The following IRAK3 variants were observed in gnomAD, a reference collection of about 807,000 sequenced individuals.
IRAK3 encodes the protein interleukin-1 receptor-associated kinase 3.
A neutral mutation model predicts 56.6 loss-of-function variants in IRAK3; 57 were observed. The observed-to-expected ratio is 1.01, with a 90% CI of 0.81 to 1.26. The LOEUF is 1.26. Among genes scored for constraint, IRAK3 ranks in the 50% most tolerant of loss-of-function variants. IRAK3 has a pLI of 0.00. For missense variants in IRAK3, 703 were observed against 719.0 expected, an observed-to-expected ratio of 0.98 and a Z score of 0.25; for synonymous variants, 258 against 255.7, an observed-to-expected ratio of 1.01 and a Z score of -0.09.
chr12:66,220,581 C>T (rs1365987358), intron 6 of IRAK3, among the ~76,000 whole-genome samples: 12 of 117,188 alleles, frequency 1.0e-4, no homozygotes, highest in African/African-American at 3.3e-4. Flanking sequence ...AGTGCAGTGG[C>T]GGGATCTCGG....
intron 4 of IRAK3, among the ~76,000 whole-genome samples, chr12:66,210,636 T>TA (rs2052602416): frequency 2.6e-5 from 4 of 152,316 alleles, no homozygotes; most frequent in African/African-American, 9.6e-5. Flanking sequence ...TTTCCTACTT[T>TA]ATTAGTAGGA....
chr12:66,225,550 T>C (rs2052777283), intron 6 of IRAK3, among the ~76,000 whole-genome samples: 1 of 152,104 alleles, frequency 6.6e-6, no homozygotes, highest in Non-Finnish European at 1.5e-5. Flanking sequence ...GAATCTTTTT[T>C]ACAGATTTAT....
At chr12:66,222,945 G>A (rs542794497) in intron 6 of IRAK3, among the ~76,000 whole-genome samples, 109 of 152,104 alleles carry the variant, frequency 7.2e-4, no homozygotes, top group Non-Finnish European at 1.3e-3. Context: ...GAGAGTCAGC[G>A]AAGGGAGATA....
intron 6 of IRAK3, among the ~76,000 whole-genome samples, chr12:66,222,671 T>A (rs1393836652): frequency 6.6e-6 from 1 of 152,150 alleles, no homozygotes; most frequent in Non-Finnish European, 1.5e-5. Flanking sequence ...TCCTTACCTA[T>A]TTTTTAAAAT....
chr12:66,221,111 T>C (rs1408670698), intron 6 of IRAK3, among the ~76,000 whole-genome samples: 1 of 152,186 alleles, frequency 6.6e-6, no homozygotes, highest in African/African-American at 2.4e-5. Flanking sequence ...TTCCTAAGTG[T>C]TTTATTCTTT....
At chr12:66,216,726 A>G (rs923387932) in intron 5 of IRAK3, among the ~76,000 whole-genome samples, 14 of 152,216 alleles carry the variant, frequency 9.2e-5, no homozygotes, top group African/African-American at 3.1e-4. Context: ...TCTTTTCAAA[A>G]GGCAAAGGTA....
rs1008032848 is a variant in IRAK3, at chr12:66,252,350, A to G, written c.*4179A>G. On this transcript the variant is annotated 3_prime_UTR_variant, in exon 12 of 12. Transcript: ENST00000261233. ...AATCCATGCTTTTTCTTGTGTTCCA[A>G]ATTGCACAATGGAGTCACTGCCAGT... 1 of 152,172 alleles carries G rather than the reference A, an allele frequency of 6.6e-6. No individual in the cohort carries two copies. The highest frequency in any genetic ancestry group is 2.4e-5 in the African/African-American group (1 of 41,444). The allele number at this position is 152,172 out of a possible 1,614,324, so 9.4% of individuals were successfully genotyped here.
rs761444564 is a variant in IRAK3, at chr12:66,252,324, A to G, written c.*4153A>G. The G allele has an allele frequency of 6.6e-6, 1 of 152,192 alleles. No individual in the cohort carries two copies. The highest frequency in any genetic ancestry group is 2.4e-5 in the African/African-American group (1 of 41,454). The allele number at this position is 152,192 out of a possible 1,614,324, so 9.4% of individuals were successfully genotyped here. A position where few individuals can be genotyped will look rare whatever the true frequency, so the allele number is the denominator to read the frequency against. ...TTGAACTCACATTTGTCTGACTTCA[A>G]AATCCATGCTTTTTCTTGTGTTCCA... On this transcript the variant is annotated 3_prime_UTR_variant, in exon 12 of 12. Transcript: ENST00000261233.
intron 11 of IRAK3, among the ~76,000 whole-genome samples, chr12:66,246,485 G>A (rs953903558): frequency 6.6e-6 from 1 of 152,198 alleles, no homozygotes; most frequent in Admixed American, 6.5e-5. Context: ...ACTGGCCTTC[G>A]AGGCAGGAGA....
Position 66,222,521 on chromosome 12 carries a change from G to A in IRAK3, c.654-4202G>A, listed in dbSNP as rs1043462520. 5.9e-5 allele frequency among the ~76,000 whole-genome samples: 9 copies of A among 151,424 alleles called. No homozygotes were observed. The South Asian group carries it at 1.0e-3, about 18-fold the overall frequency. ...TTTCTGTGGTATCAGTTGTAATGTC[G>A]CCTCTTTCATTTATATTTTATTTAT... On this transcript the variant is annotated intron_variant, in intron 6 of 11. Coordinates refer to ENST00000261233, the MANE Select transcript of IRAK3 (RefSeq NM_007199.3).
intron 1 of IRAK3, among the ~76,000 whole-genome samples, chr12:66,192,415 G>A (rs1220718878): frequency 2.6e-5 from 4 of 152,112 alleles, no homozygotes; most frequent in African/African-American, 9.7e-5. Context: ...TTACGTTACA[G>A]ACATGATAAC....
intron 8 of IRAK3, among the ~76,000 whole-genome samples, chr12:66,240,855 T>C (rs2052961920): frequency 6.7e-6 from 1 of 149,244 alleles, no homozygotes. Flanking sequence ...GTATATATAT[T>C]ATATATATGT....
Position 66,245,263 on chromosome 12 carries a change from G to T in IRAK3, c.1314+1G>T, listed in dbSNP as rs963811998. ...AAAGTTAAGACCATCAATGGATGAA[G>T]TGAGTATATACATGGTTTTATTCAA... On this transcript the variant is annotated splice_donor_variant, in intron 11 of 11. Coordinates refer to ENST00000261233, the MANE Select transcript of IRAK3 (RefSeq NM_007199.3). LOFTEE classifies it high-confidence loss of function. 6.2e-7 allele frequency: 1 copy of T among 1,614,052 alleles called. No homozygotes were observed. The highest frequency in any genetic ancestry group is 2.2e-5 in the East Asian group (1 of 44,884).
At position 66,189,260 on chromosome 12, in the gene IRAK3, C is replaced by T. The variant is rs1185679151; in HGVS notation, c.-40C>T. ...CGGCCTGTCGCAGGCGTGCAGGGAC[C>T]TGGACTCCGCCTCGTCCCCGGGGCT... is the stretch of plus-strand genomic sequence containing the variant. On this transcript the variant is annotated 5_prime_UTR_variant, in exon 1 of 12. Transcript: ENST00000261233. 1.3e-6 allele frequency: 2 copies of T among 1,533,800 alleles called. No homozygotes were observed. The highest frequency in any genetic ancestry group is 8.7e-7 in the Non-Finnish European group (1 of 1,145,810).
intron 5 of IRAK3, among the ~76,000 whole-genome samples, chr12:66,215,786 G>GCACACACACACACA (rs71096080): frequency 4.6e-4 from 56 of 122,904 alleles, no homozygotes; most frequent in African/African-American, 1.2e-3. Flanking sequence ...AACCCAACAT[G>GCACACACACACACA]CACACACACA....
In IRAK3 at chr12:66,215,786, G is replaced by GCACGTGCACGTGCGCGCGCGCGCACACA. The variant is rs368883846; in HGVS notation, c.589-1382_589-1381insGTGCACGTGCGCGCGCGCGCACACACAC. On this transcript the variant is annotated intron_variant, in intron 5 of 11. Transcript: ENST00000261233. Reference sequence around the variant, plus strand: ...TCCGCCCCCTATTTTAACCCAACATGCACACACACACACACACACACACAC... The same window carrying GCACGTGCACGTGCGCGCGCGCGCACACA: ...TCCGCCCCCTATTTTAACCCAACATGCACGTGCACGTGCGCGCGCGCGCACACACACACACACACACACACACACACAC... 3.7e-3 allele frequency among the ~76,000 whole-genome samples: 452 copies of GCACGTGCACGTGCGCGCGCGCGCACACA among 122,882 alleles called. 2 individuals are homozygous for GCACGTGCACGTGCGCGCGCGCGCACACA. The highest frequency in any genetic ancestry group is 5.3e-3 in the Non-Finnish European group (305 of 57,372). 80.6% of individuals were successfully genotyped at this position (122,882 alleles called of 152,430 possible).
At chr12:66,220,682 G>A (rs1047346670) in intron 6 of IRAK3, among the ~76,000 whole-genome samples, 8 of 151,068 alleles carry the variant, frequency 5.3e-5, no homozygotes, top group African/African-American at 1.2e-4. Flanking sequence ...CACTACGCCC[G>A]GCTAATTTTT....
chr12:66,221,225 T>G (rs2052730096), intron 6 of IRAK3, among the ~76,000 whole-genome samples: 1 of 152,258 alleles, frequency 6.6e-6, no homozygotes, highest in Admixed American at 6.5e-5. Context: ...TTTTGTATTA[T>G]GCAACTTTTC....
chr12:66,244,900 G>T lies in IRAK3; in HGVS notation c.1087-48G>T, dbSNP rs182376090. The T allele has an allele frequency of 3.1e-4, 427 of 1,368,502 alleles. 4 individuals carry two copies. The East Asian group carries it at 8.0e-3, about 26-fold the overall frequency. 84.8% of individuals were successfully genotyped at this position (1,368,502 alleles called of 1,614,324 possible). ...ATGGTTAATAGTTGCAACAAATTGT[G>T]TGTATATTTTTAAGATATATAGCTG... On this transcript the variant is annotated intron_variant, in intron 9 of 11. Transcript: ENST00000261233.
Sources: gnomAD v4.1 joint callset for allele counts (sites outside exome capture counted in the v4.1 genomes callset) on GRCh38, gnomAD v4.1.1 for gene constraint, MANE v1.5 for transcripts, NCBI Gene and HGNC (gene_info 2026-07-23, HGNC 2026-07-21) for gene names.